The following GRM5 variants were observed in gnomAD, a reference collection of about 807,000 sequenced individuals.
GRM5 encodes the protein metabotropic glutamate receptor 5.
Under a neutral mutation model 83.1 loss-of-function variants are expected in GRM5, and 19 were observed. The observed-to-expected ratio is 0.23, with a 90% CI of 0.16 to 0.34. The LOEUF is 0.34. Ranked by LOEUF, GRM5 falls within the 10% of genes least tolerant of loss-of-function variation. The pLI is 1.00. For synonymous variants in GRM5, 675 were observed against 633.6 expected, an observed-to-expected ratio of 1.07 and a Z score of -0.98; for missense variants, 1,160 against 1,588.3, an observed-to-expected ratio of 0.73 and a Z score of 4.58.
At chr11:88,954,493 C>T (rs772679717) in intron 2 of GRM5, among the ~76,000 whole-genome samples, 31 of 152,060 alleles carry the variant, frequency 2.0e-4, no homozygotes, top group Non-Finnish European at 3.5e-4. Flanking sequence ...GTTTATTTAA[C>T]AATTTAGTAA....
At chr11:88,600,622 T>C (rs1261372181) in intron 5 of GRM5, among the ~76,000 whole-genome samples, 1 of 151,870 alleles carries the variant, frequency 6.6e-6, no homozygotes, top group Non-Finnish European at 1.5e-5. Flanking sequence ...TAAGGTAAAC[T>C]AGAGAAAGTC....
intron 2 of GRM5, among the ~76,000 whole-genome samples, chr11:88,987,349 G>C (rs1043526570): frequency 2.0e-5 from 3 of 152,122 alleles, no homozygotes; most frequent in East Asian, 1.9e-4. Context: ...CAGCTGGCTC[G>C]GAGGGTCCTA....
At chr11:88,636,383 G>A (rs1939120858) in intron 4 of GRM5, among the ~76,000 whole-genome samples, 1 of 152,094 alleles carries the variant, frequency 6.6e-6, no homozygotes, top group African/African-American at 2.4e-5. Context: ...TTGGTGGTAT[G>A]CTCCTGTAAT....
chr11:88,750,131 A>T (rs1040620367), intron 3 of GRM5, among the ~76,000 whole-genome samples: 1 of 152,206 alleles, frequency 6.6e-6, no homozygotes, highest in African/African-American at 2.4e-5. Context: ...CAATTAAAAG[A>T]CACAGAATGA....
intron 3 of GRM5, among the ~76,000 whole-genome samples, chr11:88,800,827 C>A (rs575087536): frequency 6.6e-6 from 1 of 152,066 alleles, no homozygotes; most frequent in African/African-American, 2.4e-5. Context: ...TCCAGTGTGG[C>A]CATGAGGATC....
chr11:88,977,863 A>G (rs1302959429), intron 2 of GRM5, among the ~76,000 whole-genome samples: 2 of 152,192 alleles, frequency 1.3e-5, no homozygotes, highest in East Asian at 3.9e-4. Flanking sequence ...ATGCCCTGGT[A>G]AATATAGGTA....
At chr11:88,606,908 C>T (rs1468560554) in intron 4 of GRM5, among the ~76,000 whole-genome samples, 1 of 145,700 alleles carries the variant, frequency 6.9e-6, no homozygotes, top group Non-Finnish European at 1.5e-5. Flanking sequence ...CAGAGCTTAT[C>T]ATTTTGGAAG....
At chr11:88,964,643 G>C (rs1267933168) in intron 2 of GRM5, among the ~76,000 whole-genome samples, 2 of 152,048 alleles carry the variant, frequency 1.3e-5, no homozygotes, top group African/African-American at 4.8e-5. Flanking sequence ...AAGAAGTTGA[G>C]AACAAAAAGC....
At chr11:88,967,267 AT>A (rs1237023206) in intron 2 of GRM5, among the ~76,000 whole-genome samples, 48 of 147,108 alleles carry the variant, frequency 3.3e-4, no homozygotes, top group African/African-American at 1.2e-3. Context: ...ATATATATAT[AT>A]ATATATATAA....
At chr11:88,999,636 G>T (rs1030912393) in intron 2 of GRM5, among the ~76,000 whole-genome samples, 6 of 152,142 alleles carry the variant, frequency 3.9e-5, no homozygotes, top group Non-Finnish European at 7.3e-5. Context: ...TTACACTGTT[G>T]GTGGGACTGT....
rs569696215 is a variant in GRM5 at position 89,012,192 on chromosome 11, T to C, written c.661+35020A>G. 2.6e-5 allele frequency among the ~76,000 whole-genome samples: 4 copies of C among 152,204 alleles called. No homozygotes were observed. The South Asian group carries it at 8.3e-4, about 32-fold the overall frequency. Reference sequence around the variant, plus strand: ...AATCGACAATCAGAGGAGAAGACATTGAAGATAAAAATAAACAGCAAAGTA... The same window carrying C: ...AATCGACAATCAGAGGAGAAGACATCGAAGATAAAAATAAACAGCAAAGTA... On this transcript the variant is annotated intron_variant, in intron 2 of 9. Coordinates refer to ENST00000305447, the MANE Select transcript of GRM5 (RefSeq NM_001143831.3).
At chr11:88,592,446 G>T (rs1190742199) in intron 6 of GRM5, among the ~76,000 whole-genome samples, 1 of 152,176 alleles carries the variant, frequency 6.6e-6, no homozygotes. Context: ...ATTAGATTTT[G>T]TAATGCAAAC....
chr11:89,042,605 A>C (rs16924543), intron 2 of GRM5, among the ~76,000 whole-genome samples: 13,187 of 152,252 alleles, frequency 0.087, 578 homozygotes, highest in South Asian at 0.11. Flanking sequence ...GGAGAAACAA[A>C]ATAAAGTCCT....
At chr11:88,882,556 G>T (rs1476771837) in intron 2 of GRM5, among the ~76,000 whole-genome samples, 1 of 136,778 alleles carries the variant, frequency 7.3e-6, no homozygotes, top group African/African-American at 2.6e-5. Context: ...GCGAGACTCT[G>T]TCTCAAAAAA....
chr11:88,805,271 A>C (rs897879378), intron 3 of GRM5, among the ~76,000 whole-genome samples: 2 of 152,114 alleles, frequency 1.3e-5, no homozygotes, highest in South Asian at 2.1e-4. Context: ...GGCTCACTGC[A>C]ACCTCCGCCT....
At chr11:88,774,320 A>G (rs1344884033) in intron 3 of GRM5, among the ~76,000 whole-genome samples, 1 of 152,202 alleles carries the variant, frequency 6.6e-6, no homozygotes, top group Non-Finnish European at 1.5e-5. Flanking sequence ...ACTTTGCTGA[A>G]GTTGCTTATC....
intron 7 of GRM5, among the ~76,000 whole-genome samples, chr11:88,590,231 G>C (rs886166585): frequency 7.2e-5 from 11 of 152,060 alleles, no homozygotes; most frequent in Non-Finnish European, 1.5e-4. Context: ...TTTTGTTCTT[G>C]GATATGTCAT....
intron 7 of GRM5, among the ~76,000 whole-genome samples, chr11:88,589,411 AT>A (rs145841911): frequency 4.7e-4 from 71 of 150,432 alleles, no homozygotes; most frequent in Non-Finnish European, 8.0e-4. Flanking sequence ...ATTAAATCAG[AT>A]TTTTTTTTTA....
intron 7 of GRM5, among the ~76,000 whole-genome samples, chr11:88,570,914 T>G (rs1256013778): frequency 6.6e-6 from 1 of 152,030 alleles, no homozygotes; most frequent in African/African-American, 2.4e-5. Flanking sequence ...AGCAATGATT[T>G]GACAATAAAA....
Sources: allele counts gnomAD v4.1 joint callset (sites outside exome capture counted in the v4.1 genomes callset), GRCh38; gene constraint gnomAD v4.1.1; transcripts MANE v1.5; gene names NCBI Gene and HGNC (gene_info 2026-07-23, HGNC 2026-07-21).